Variants in UVSSA observed in about 807,000 individuals in gnomAD.
UVSSA encodes the protein UV stimulated scaffold protein A, also known as UV-stimulated scaffold protein A.
In UVSSA, 72 loss-of-function variants were observed where a neutral mutation model predicts 73.9. The observed-to-expected ratio is 0.97, with a 90% CI of 0.81 to 1.19. UVSSA has a LOEUF of 1.19. Ranked by LOEUF, UVSSA falls within the 50% of genes most tolerant of loss-of-function variation. The pLI is 0.00. For synonymous variants in UVSSA, 454 were observed against 391.3 expected, an observed-to-expected ratio of 1.16 and a Z score of -1.89; for missense variants, 1,150 against 965.0, an observed-to-expected ratio of 1.19 and a Z score of -2.54.
rs141688609 is a variant in UVSSA, at chr4:1,352,272, C to G, written c.550+437C>G. On this transcript the variant is annotated intron_variant, in intron 4 of 13. Coordinates refer to ENST00000389851, the MANE Select transcript of UVSSA (RefSeq NM_020894.4). Reference sequence around the variant, plus strand: ...AGAGTGTGAGGAGGGGGTGCCACGGCCCTCCTGAGACACCTCCTGATGTGG... The same window carrying G: ...AGAGTGTGAGGAGGGGGTGCCACGGGCCTCCTGAGACACCTCCTGATGTGG... Among the ~76,000 whole-genome samples the G allele has an allele frequency of 9.6e-4, 147 of 152,352 alleles. 2 individuals are homozygous for G. In the Middle Eastern group the frequency reaches 0.02, roughly 21 times the overall value.
upstream of UVSSA, among the ~76,000 whole-genome samples, chr4:1,346,971 C>T (rs1713774616): frequency 6.6e-6 from 1 of 152,220 alleles, no homozygotes; most frequent in Admixed American, 6.5e-5. Flanking sequence ...GTCTTTGCGC[C>T]TGCGCCTCCT....
intron 10 of UVSSA, among the ~76,000 whole-genome samples, chr4:1,377,738 C>T (rs1050914052): frequency 1.3e-5 from 2 of 152,170 alleles, no homozygotes; most frequent in African/African-American, 4.8e-5. Context: ...GCACCGGGGC[C>T]CTGCTGGGCA....
At chr4:1,370,894 C>G (rs565922755) in intron 8 of UVSSA, among the ~76,000 whole-genome samples, 1 of 152,310 alleles carries the variant, frequency 6.6e-6, no homozygotes, top group South Asian at 2.1e-4. Flanking sequence ...TGGCTCACTC[C>G]TTGATTCACG....
At chr4:1,355,024 C>G (rs538805101) in intron 6 of UVSSA, 93 bp from the exon 7 acceptor site, 6 of 1,559,644 alleles carry the variant, frequency 3.8e-6, no homozygotes, top group East Asian at 2.3e-5. Context: ...AGGGACCCCC[C>G]GGGCCAGTGG....
At chr4:1,355,881 A>C (rs1715658666) in intron 7 of UVSSA, among the ~76,000 whole-genome samples, 1 of 152,030 alleles carries the variant, frequency 6.6e-6, no homozygotes, top group Admixed American at 6.5e-5. Flanking sequence ...GAGCCGTTCG[A>C]GGGTGGGGGT....
intron 3 of UVSSA, 37 bp from the exon 4 acceptor site, chr4:1,351,678 C>G (rs370582224): frequency 6.2e-7 from 1 of 1,605,388 alleles, no homozygotes; most frequent in African/African-American, 1.3e-5. Context: ...CGTGAGCCAC[C>G]GCGCCTGTCC....
At chr4:1,359,830 G>T (rs1342460290) in intron 7 of UVSSA, among the ~76,000 whole-genome samples, 1 of 151,214 alleles carries the variant, frequency 6.6e-6, no homozygotes, top group African/African-American at 2.5e-5. Flanking sequence ...GCCCTCTGAT[G>T]TTCAGTGGGC....
At chr4:1,349,044 T>G (rs1018846354) in intron 2 of UVSSA, among the ~76,000 whole-genome samples, 2 of 148,576 alleles carry the variant, frequency 1.3e-5, no homozygotes, top group African/African-American at 5.0e-5. Flanking sequence ...CGGTGTGTGT[T>G]TGTGCCGGGC....
rs904892746 is a variant in UVSSA, at chr4:1,370,185, C to A, written c.1288+3754C>A. ...AACTCTTAGGAATTCTCAGATTGATCTTTTGGCTGCGATTGTATCTAAATG... is the reference window on the plus strand; with the variant it reads ...AACTCTTAGGAATTCTCAGATTGATATTTTGGCTGCGATTGTATCTAAATG... On this transcript the variant is annotated intron_variant, in intron 8 of 13. Transcript: ENST00000389851. Among the ~76,000 whole-genome samples the A allele has an allele frequency of 7.9e-5, 12 of 152,218 alleles. 2 individuals carry two copies. The highest frequency in any genetic ancestry group is 3.9e-4 in the East Asian group (2 of 5,190).
At chr4:1,393,542 G>A (rs539734884) in exon 14 of UVSSA, 3 of 151,452 alleles carry the variant, frequency 2.0e-5, no homozygotes, top group Non-Finnish European at 2.9e-5. Context: ...GCCACAGAGC[G>A]AGACGCTTTC....
At chr4:1,381,800 T>C (rs1380255209) in intron 12 of UVSSA, among the ~76,000 whole-genome samples, 2 of 151,850 alleles carry the variant, frequency 1.3e-5, no homozygotes, top group East Asian at 3.9e-4. Flanking sequence ...GCCTGCCAAG[T>C]AGCTGGAATT....
intron 6 of UVSSA, 79 bp from the exon 7 acceptor site, chr4:1,355,038 T>G (rs1428193844): frequency 6.3e-7 from 1 of 1,578,742 alleles, no homozygotes; most frequent in Non-Finnish European, 8.6e-7. Context: ...CCAGTGGACC[T>G]GGCATGTGCC....
chr4:1,355,568 C>T (rs1324555923), intron 7 of UVSSA, among the ~76,000 whole-genome samples: 1 of 152,212 alleles, frequency 6.6e-6, no homozygotes, highest in East Asian at 1.9e-4. Flanking sequence ...AGGGAGTCAT[C>T]AGCAGTGCGG....
At chr4:1,350,887 T>G (rs1348210815) in intron 3 of UVSSA, among the ~76,000 whole-genome samples, 1 of 152,136 alleles carries the variant, frequency 6.6e-6, no homozygotes, top group African/African-American at 2.4e-5. Flanking sequence ...TATAGATAGC[T>G]CTAGTTTTTG....
chr4:1,383,307 C>A (rs906453572), intron 12 of UVSSA, among the ~76,000 whole-genome samples: 1 of 152,236 alleles, frequency 6.6e-6, no homozygotes, highest in African/African-American at 2.4e-5. Flanking sequence ...CGTACCTCCC[C>A]ACCAGCAGGC....
intron 8 of UVSSA, among the ~76,000 whole-genome samples, chr4:1,373,923 C>T (rs1372447204): frequency 6.6e-6 from 1 of 152,216 alleles, no homozygotes; most frequent in South Asian, 2.1e-4. Context: ...TCAGGATCCC[C>T]TCACTTCCTG....
intron 7 of UVSSA, among the ~76,000 whole-genome samples, chr4:1,361,674 T>A (rs1716655158): frequency 6.6e-6 from 1 of 152,236 alleles, no homozygotes; most frequent in African/African-American, 2.4e-5. Context: ...CCGGGCAATT[T>A]GCACGGCCTT....
chr4:1,394,134 G>T, exon 14 of UVSSA: 1 of 367,120 alleles, frequency 2.7e-6, no homozygotes, highest in Non-Finnish European at 5.0e-6. Context: ...CCAGAGGTGA[G>T]GGCCAGGGCA....
rs137963993 is a variant in UVSSA at position 1,353,104 on chromosome 4, G to T, written c.625G>T (p.Asp209Tyr). ...TAGGCTGCTGGTGCCTTTTGACTTT[G>T]ACCCGAACCCGGAGACGGAATCCCT... ...CFRLLVPFDF[D>Y]PNPETESLGM... Residue 209 changes from aspartate (D) to tyrosine (Y), a missense_variant, in exon 5 of 14, where the codon GAC becomes TAC. By Grantham distance (160) the Asp-to-Tyr change is radical (BLOSUM62 -3). Transcript: ENST00000389851. The T allele has an allele frequency of 3.5e-5, 56 of 1,613,068 alleles. No individual in the cohort carries two copies. The African/African-American group carries it at 6.9e-4, about 20-fold the overall frequency.
Sources: allele counts gnomAD v4.1 joint callset (sites outside exome capture counted in the v4.1 genomes callset), GRCh38; gene constraint gnomAD v4.1.1; transcripts MANE v1.5; gene names NCBI Gene and HGNC (gene_info 2026-07-23, HGNC 2026-07-21).